Variants in MYRIP observed in about 807,000 individuals in gnomAD.
The protein encoded by MYRIP is rab effector MyRIP.
MYRIP carries 49 observed loss-of-function variants against 98.0 expected under a neutral mutation model. The ratio of observed to expected loss-of-function variants is 0.50; its 90% confidence interval spans 0.40 to 0.63. MYRIP has a LOEUF of 0.63. MYRIP is among the 30% of genes least tolerant of loss of function. The pLI, the probability that MYRIP is intolerant of heterozygous loss-of-function variation, is 0.00. For synonymous variants in MYRIP, 404 were observed against 409.5 expected, an observed-to-expected ratio of 0.99 and a Z score of 0.16; for missense variants, 1,004 against 1,058.2, an observed-to-expected ratio of 0.95 and a Z score of 0.71.
chr3:40,189,974 G>T lies in MYRIP; in HGVS notation c.1176G>T (p.Glu392Asp). ...CCAGTGTGGCATCTGCCTACGATGA[G>T]ATGGGCTCCGATAGCGAGGAAGACT... ...VASSVASAYD[E>D]MGSDSEEDFD... The change falls in exon 10 of 17, where the codon GAG becomes GAT. Residue 392 changes from glutamate to aspartate, a missense_variant. Coordinates refer to ENST00000302541, the MANE Select transcript of MYRIP (RefSeq NM_015460.4). The T allele has an allele frequency of 1.9e-6, 3 of 1,614,150 alleles. No homozygotes were observed. Among genetic ancestry groups the T allele is most frequent in the Non-Finnish European group, 2.5e-6 (3 of 1,180,040 alleles).
intron 2 of MYRIP, among the ~76,000 whole-genome samples, chr3:39,921,024 C>A (rs1189742775): frequency 2.6e-5 from 4 of 152,170 alleles, no homozygotes; most frequent in African/African-American, 9.7e-5. Flanking sequence ...GACAAAGGAT[C>A]CCTCTGGCAG....
At chr3:40,158,038 C>G (rs1263295302) in intron 4 of MYRIP, among the ~76,000 whole-genome samples, 4 of 152,004 alleles carry the variant, frequency 2.6e-5, no homozygotes, top group Admixed American at 6.6e-5. Flanking sequence ...CTTCTGCTAG[C>G]TTTTGAATGT....
intron 1 of MYRIP, among the ~76,000 whole-genome samples, chr3:39,889,302 G>A (rs1943412779): frequency 6.6e-6 from 1 of 152,116 alleles, no homozygotes; most frequent in African/African-American, 2.4e-5. Context: ...ACGATAGACT[G>A]GATTAAGAAA....
chr3:39,957,516 A>C (rs1400157562), intron 2 of MYRIP, among the ~76,000 whole-genome samples: 3 of 152,306 alleles, frequency 2.0e-5, no homozygotes, highest in Non-Finnish European at 2.9e-5. Context: ...CTCGGTATTG[A>C]TGGGATGTAT....
At chr3:40,097,789 C>G (rs1559399505) in intron 3 of MYRIP, among the ~76,000 whole-genome samples, 1 of 152,166 alleles carries the variant, frequency 6.6e-6, no homozygotes, top group Non-Finnish European at 1.5e-5. Context: ...CTGCAGAACC[C>G]ATTTGGTGGT....
At chr3:39,947,304 G>A (rs1209343872) in intron 2 of MYRIP, among the ~76,000 whole-genome samples, 2 of 151,804 alleles carry the variant, frequency 1.3e-5, no homozygotes, top group East Asian at 3.9e-4. Flanking sequence ...ATTAAGAAAA[G>A]TACAAGCAGA....
At position 40,044,107 on chromosome 3, in the gene MYRIP, C is replaced by G; in HGVS notation, c.168C>G (p.His56Gln). The G allele has an allele frequency of 1.2e-6, 2 of 1,614,158 alleles. No homozygotes were observed. Among genetic ancestry groups the G allele is most frequent in the Non-Finnish European group, 1.7e-6 (2 of 1,180,016 alleles). ...EGSKCSILSK[H>Q]QQFVEHCCMR... ...GCAAGTGCAGCATCCTCTCGAAGCACCAGCAGTTTGTGGAGCACTGCTGCA... is the reference window on the plus strand; with the variant it reads ...GCAAGTGCAGCATCCTCTCGAAGCAGCAGCAGTTTGTGGAGCACTGCTGCA... The change falls in exon 3 of 17, where the codon CAC (histidine) becomes CAG (glutamine). Residue 56 changes from histidine (H) to glutamine (Q), a missense_variant. Coordinates refer to ENST00000302541, the MANE Select transcript of MYRIP (RefSeq NM_015460.4).
intron 1 of MYRIP, among the ~76,000 whole-genome samples, chr3:39,890,020 C>A (rs1241412780): frequency 6.6e-6 from 1 of 152,010 alleles, no homozygotes; most frequent in Non-Finnish European, 1.5e-5. Context: ...CCTTGAGACT[C>A]ATTCTTCTCT....
intron 1 of MYRIP, among the ~76,000 whole-genome samples, chr3:39,824,805 T>A (rs1559486979): frequency 1.3e-5 from 2 of 151,926 alleles, no homozygotes; most frequent in Non-Finnish European, 1.5e-5. Context: ...AGCCTTAAAC[T>A]CCTGGGCTTA....
Position 40,151,037 on chromosome 3 carries a change from GT to G in MYRIP, c.333-7del. ...TTCTAATTTTGTGTTGTCTAATTCT[GT>G]TTTCCTCAGGCTTCTGAGGGCCCAA... is the stretch of plus-strand genomic sequence containing the variant. On this transcript the variant is annotated splice_polypyrimidine_tract_variant and intron_variant, in intron 3 of 16. Coordinates refer to ENST00000302541, the MANE Select transcript of MYRIP (RefSeq NM_015460.4). 6.4e-7 allele frequency: 1 copy of G among 1,561,744 alleles called. No individual in the cohort carries two copies. The highest frequency in any genetic ancestry group is 8.7e-7 in the Non-Finnish European group (1 of 1,150,724).
At chr3:40,209,484 A>G (rs1559454800) in intron 10 of MYRIP, among the ~76,000 whole-genome samples, 1 of 152,182 alleles carries the variant, frequency 6.6e-6, no homozygotes, top group Non-Finnish European at 1.5e-5. Flanking sequence ...AAAAGTGAAT[A>G]TGGAAAGTTT....
chr3:39,892,901 A>C (rs1300594939), intron 1 of MYRIP, among the ~76,000 whole-genome samples: 3 of 152,200 alleles, frequency 2.0e-5, no homozygotes, highest in Non-Finnish European at 2.9e-5. Flanking sequence ...CAGATAAATA[A>C]ATGTGGTCAG....
chr3:40,069,447 C>A (rs1355274654), intron 3 of MYRIP, among the ~76,000 whole-genome samples: 1 of 149,590 alleles, frequency 6.7e-6, no homozygotes, highest in East Asian at 2.0e-4. Flanking sequence ...TAACATAGAA[C>A]TGAATATTTT....
intron 2 of MYRIP, among the ~76,000 whole-genome samples, chr3:40,003,963 C>A (rs1946577853): frequency 1.3e-5 from 2 of 152,206 alleles, no homozygotes; most frequent in African/African-American, 4.8e-5. Context: ...CTATGCCCAC[C>A]TGCCATCTGT....
chr3:40,040,665 T>G (rs1947491240), intron 2 of MYRIP, among the ~76,000 whole-genome samples: 1 of 68,500 alleles, frequency 1.5e-5, no homozygotes, highest in African/African-American at 5.6e-5. Context: ...AATGATGAGT[T>G]CATATCCTTT....
intron 2 of MYRIP, among the ~76,000 whole-genome samples, chr3:39,951,207 C>T (rs571570972): frequency 1.3e-3 from 204 of 152,222 alleles, no homozygotes; most frequent in African/African-American, 4.6e-3. Context: ...TAAAATAAAA[C>T]TCAAACCCCC....
intron 1 of MYRIP, among the ~76,000 whole-genome samples, chr3:39,878,900 CA>C (rs140566973): frequency 0.049 from 6,022 of 123,882 alleles, 280 homozygotes; most frequent in East Asian, 0.14. Flanking sequence ...ACTAAAAATA[CA>C]AAAAAAAAAA....
At chr3:39,839,302 G>C (rs1192010093) in intron 1 of MYRIP, among the ~76,000 whole-genome samples, 2 of 151,714 alleles carry the variant, frequency 1.3e-5, no homozygotes, top group Admixed American at 6.6e-5. Flanking sequence ...TTGTGGTCCA[G>C]GATGGAGTGC....
chr3:40,252,422 T>C (rs1953405300), intron 16 of MYRIP, among the ~76,000 whole-genome samples: 1 of 152,160 alleles, frequency 6.6e-6, no homozygotes, highest in African/African-American at 2.4e-5. Flanking sequence ...GCCCCAAACC[T>C]TGCTAAAAAT....
Sources: gnomAD v4.1 joint callset for allele counts (sites outside exome capture counted in the v4.1 genomes callset) on GRCh38, gnomAD v4.1.1 for gene constraint, MANE v1.5 for transcripts, NCBI Gene and HGNC (gene_info 2026-07-23, HGNC 2026-07-21) for gene names.